The following SKP2 variants were observed in gnomAD, a reference collection of about 807,000 sequenced individuals.
SKP2 encodes the protein S-phase kinase-associated protein 2.
In SKP2, 16 loss-of-function variants were observed where a neutral mutation model predicts 51.8. The ratio of observed to expected loss-of-function variants is 0.31; its 90% CI spans 0.21 to 0.47. The LOEUF (loss-of-function observed/expected upper bound fraction) is 0.47, where lower values mean the gene tolerates loss of function less well. SKP2 is among the 20% of genes least tolerant of loss of function. The pLI is 1.00. For missense variants in SKP2, 377 were observed against 505.3 expected, an observed-to-expected ratio of 0.75 and a Z score of 2.43; for synonymous variants, 176 against 198.6, an observed-to-expected ratio of 0.89 and a Z score of 0.96.
At chr5:36,154,043 G>A (rs1406872912) in intron 2 of SKP2, among the ~76,000 whole-genome samples, 2 of 152,108 alleles carry the variant, frequency 1.3e-5, no homozygotes, top group Non-Finnish European at 2.9e-5. Context: ...CTGCTCTCAG[G>A]GAGCATCCAT....
At position 36,184,156 on chromosome 5, in the gene SKP2, CAG is replaced by C. The variant is rs903151410; in HGVS notation, c.*2128_*2129del. On this transcript the variant is annotated 3_prime_UTR_variant, in exon 10 of 10. Transcript: ENST00000274255. ...TACCTCTAAATAAGACTCTTCAAAACAGAGCCCTGAGATGGTCCTTTTTGACC... is the reference window on the plus strand; with the variant it reads ...TACCTCTAAATAAGACTCTTCAAAACAGCCCTGAGATGGTCCTTTTTGACC... 4.6e-5 allele frequency: 24 copies of C among 522,500 alleles called. No individual in the cohort carries two copies. Among genetic ancestry groups the C allele is most frequent in the African/African-American group, 3.7e-4 (19 of 50,712 alleles). 32.4% of individuals were successfully genotyped at this position (522,500 alleles called of 1,614,324 possible).
In SKP2 at chr5:36,182,234, T is replaced by G; in HGVS notation, c.*203T>G. On this transcript the variant is annotated 3_prime_UTR_variant, in exon 10 of 10. Transcript: ENST00000274255. Reference sequence around the variant, plus strand: ...AAAAGCTTCTATCACTGCTTTGCTCTTAAGAGCCAAAGTTGTAGGCCTTTT... The same window carrying G: ...AAAAGCTTCTATCACTGCTTTGCTCGTAAGAGCCAAAGTTGTAGGCCTTTT... 7.3e-7 allele frequency: 1 copy of G among 1,362,516 alleles called. No homozygotes were observed. Among genetic ancestry groups the G allele is most frequent in the South Asian group, 1.9e-5 (1 of 52,954 alleles). 84.4% of individuals were successfully genotyped at this position (1,362,516 alleles called of 1,614,324 possible).
At chr5:36,186,343 G>A (rs983087857), downstream of SKP2, among the ~76,000 whole-genome samples, 12 of 152,306 alleles carry the variant, frequency 7.9e-5, no homozygotes, top group Admixed American at 7.8e-4. Context: ...TGTTCAAAGG[G>A]AATGCTTCCA....
intron 7 of SKP2, among the ~76,000 whole-genome samples, chr5:36,176,292 A>G (rs890198634): frequency 6.6e-6 from 1 of 151,806 alleles, no homozygotes; most frequent in Non-Finnish European, 1.5e-5. Flanking sequence ...AAACATTCCC[A>G]GTTTTCTGAT....
intron 3 of SKP2, among the ~76,000 whole-genome samples, chr5:36,164,992 A>G (rs999508596): frequency 4.6e-5 from 7 of 152,190 alleles, no homozygotes; most frequent in African/African-American, 1.7e-4. Context: ...CCTGTTGTAT[A>G]CTATATCTTG....
chr5:36,155,018 A>G (rs1202289589), intron 2 of SKP2: 1 of 152,220 alleles, frequency 6.6e-6, no homozygotes, highest in Non-Finnish European at 1.5e-5. Flanking sequence ...TTAAAGATGA[A>G]GTCTTGCAGA....
chr5:36,170,468 T>C lies in SKP2; in HGVS notation c.770+26T>C, dbSNP rs200010536. On this transcript the variant is annotated intron_variant, in intron 6 of 9. Transcript: ENST00000274255. ...GTATGAAAGATGTGAGACTTGATTA[T>C]AGACTCTTATGTCAAACGTAAAATT... is the stretch of plus-strand genomic sequence containing the variant. 73 of 1,328,262 alleles carry C rather than the reference T, an allele frequency of 5.5e-5. No individual in the cohort carries two copies. In the East Asian group the frequency reaches 7.2e-4, roughly 13 times the overall value. 82.3% of individuals were successfully genotyped at this position (1,328,262 alleles called of 1,614,324 possible).
At chr5:36,172,937 GATCAT>G (rs1461561642) in intron 7 of SKP2, among the ~76,000 whole-genome samples, 1 of 151,808 alleles carries the variant, frequency 6.6e-6, no homozygotes, top group African/African-American at 2.4e-5. Flanking sequence ...TTTTAAAACT[GATCAT>G]AGTGTTATAC....
chr5:36,152,344 T>C, intron 1 of SKP2, 74 bp downstream of exon 1: 1 of 1,339,290 alleles, frequency 7.5e-7, no homozygotes, highest in South Asian at 1.2e-5. Context: ...CGAATATCGC[T>C]ACTGGCTAAT....
chr5:36,181,076 G>T (rs928468011), intron 9 of SKP2, among the ~76,000 whole-genome samples: 9 of 152,110 alleles, frequency 5.9e-5, no homozygotes, highest in African/African-American at 1.9e-4. Context: ...TTGTGAAACA[G>T]AATTTCACTG....
At chr5:36,176,652 G>A (rs944459722) in intron 7 of SKP2, among the ~76,000 whole-genome samples, 2 of 151,674 alleles carry the variant, frequency 1.3e-5, no homozygotes, top group African/African-American at 4.8e-5. Context: ...TATATATACT[G>A]GTGTTTAATT....
At chr5:36,175,159 A>T (rs1486815873) in intron 7 of SKP2, among the ~76,000 whole-genome samples, 1 of 152,110 alleles carries the variant, frequency 6.6e-6, no homozygotes, top group Non-Finnish European at 1.5e-5. Context: ...GGCACATTTT[A>T]AAAACCAACA....
intron 3 of SKP2, among the ~76,000 whole-genome samples, chr5:36,165,950 AC>A (rs1470191231): frequency 6.6e-6 from 1 of 152,200 alleles, no homozygotes; most frequent in Non-Finnish European, 1.5e-5. Flanking sequence ...ATGTACACAT[AC>A]ATATACACGT....
chr5:36,181,298 G>A lies in SKP2; in HGVS notation c.1062-520G>A, dbSNP rs147629331. ...GTGGTAGTTTTCATCACACATAATG[G>A]ACTTGTTGACTATGAACCATTATTA... On this transcript the variant is annotated intron_variant, in intron 9 of 9. Transcript: ENST00000274255. Among the ~76,000 whole-genome samples, 545 of 152,212 alleles carry A rather than the reference G, an allele frequency of 3.6e-3. 6 individuals carry two copies. The highest frequency in any genetic ancestry group is 0.012 in the African/African-American group (512 of 41,528).
intron 2 of SKP2, among the ~76,000 whole-genome samples, chr5:36,157,647 C>T (rs888402012): frequency 7.9e-5 from 12 of 152,072 alleles, no homozygotes; most frequent in Non-Finnish European, 1.8e-4. Flanking sequence ...GAGGTGAGCA[C>T]CCCCCAACTC....
intron 9 of SKP2, 197 bp downstream of exon 9, chr5:36,177,489 C>G: frequency 1.5e-6 from 1 of 665,020 alleles, no homozygotes; most frequent in Non-Finnish European, 2.8e-6. Context: ...GTTCACTAAA[C>G]ATTTATTGTT....
At chr5:36,158,575 C>A (rs74563941) in intron 2 of SKP2, among the ~76,000 whole-genome samples, 2,048 of 152,288 alleles carry the variant, frequency 0.013, 32 homozygotes, top group South Asian at 0.061. Context: ...CCATTGATAG[C>A]ATCTTTGTTT....
intron 6 of SKP2, among the ~76,000 whole-genome samples, chr5:36,189,710 A>C (rs546756629): frequency 1.3e-5 from 2 of 152,232 alleles, no homozygotes; most frequent in Non-Finnish European, 2.9e-5. Flanking sequence ...TCAGATCTCA[A>C]ACTCTGTGCT....
chr5:36,178,795 G>C (rs1745713941), intron 9 of SKP2, among the ~76,000 whole-genome samples: 1 of 152,030 alleles, frequency 6.6e-6, no homozygotes, highest in Admixed American at 6.6e-5. Flanking sequence ...TCTGCAGAAA[G>C]AAAGAAGCTA....
Sources: gnomAD v4.1 joint callset for allele counts (sites outside exome capture counted in the v4.1 genomes callset) on GRCh38, gnomAD v4.1.1 for gene constraint, MANE v1.5 for transcripts, NCBI Gene and HGNC (gene_info 2026-07-23, HGNC 2026-07-21) for gene names.